Variants in PRR16 observed in about 807,000 individuals in gnomAD.
The protein encoded by PRR16 is proline rich 16.
Under a neutral mutation model 18.2 loss-of-function variants are expected in PRR16, and 6 were observed. That is an observed-to-expected ratio of 0.33 (90% CI 0.18 to 0.65). The LOEUF is 0.65. PRR16 is among the 30% of genes least tolerant of loss of function. The pLI is 0.74. For synonymous variants in PRR16, 151 were observed against 147.8 expected (o/e 1.02, Z -0.16); for missense variants, 412 against 376.6 (o/e 1.09, Z -0.78).
intron 1 of PRR16, among the ~76,000 whole-genome samples, chr5:120,676,617 G>T (rs1580870043): frequency 6.6e-6 from 1 of 151,782 alleles, no homozygotes; most frequent in East Asian, 1.9e-4. Context: ...ATACAATTAT[G>T]GTGCTTGAGA....
At chr5:120,585,161 A>T (rs759069858) in intron 1 of PRR16, among the ~76,000 whole-genome samples, 1 of 152,212 alleles carries the variant, frequency 6.6e-6, no homozygotes, top group Non-Finnish European at 1.5e-5. Context: ...TTCCAACTAT[A>T]TGCCTGAGGA....
intron 1 of PRR16, among the ~76,000 whole-genome samples, chr5:120,497,320 GT>G (rs55879751): frequency 2.4e-4 from 32 of 133,278 alleles, no homozygotes; most frequent in African/African-American, 3.6e-4. Context: ...CTATAATTGT[GT>G]TTTTTTTTTC....
At chr5:120,676,515 T>C (rs937539837) in intron 1 of PRR16, among the ~76,000 whole-genome samples, 2 of 38,822 alleles carry the variant, frequency 5.2e-5, no homozygotes, top group African/African-American at 1.3e-4. Context: ...TTTATATATA[T>C]ATATATATGT....
the PRR16 span, among the ~76,000 whole-genome samples, chr5:120,715,557 C>G: frequency 6.6e-6 from 1 of 152,144 alleles, no homozygotes; most frequent in African/African-American, 2.4e-5. Context: ...TGTTAACAAA[C>G]TCCTTATCAA....
chr5:120,641,312 T>G (rs1259125405), intron 1 of PRR16, among the ~76,000 whole-genome samples: 2 of 152,126 alleles, frequency 1.3e-5, no homozygotes, highest in African/African-American at 4.8e-5. Context: ...GCTAACAGAT[T>G]AACTGAGGAC....
At chr5:120,483,306 G>A (rs1375708603) in intron 1 of PRR16, among the ~76,000 whole-genome samples, 2 of 152,048 alleles carry the variant, frequency 1.3e-5, no homozygotes, top group Non-Finnish European at 1.5e-5. Context: ...GAGAAATAAA[G>A]CCTTCTTATA....
intron 1 of PRR16, among the ~76,000 whole-genome samples, chr5:120,644,027 A>T (rs893658674): frequency 6.6e-6 from 1 of 152,000 alleles, no homozygotes; most frequent in Non-Finnish European, 1.5e-5. Flanking sequence ...CAAACAAACA[A>T]GGCTGATGCC....
chr5:120,673,666 C>T (rs1209864676), intron 1 of PRR16, among the ~76,000 whole-genome samples: 1 of 151,974 alleles, frequency 6.6e-6, no homozygotes, highest in Non-Finnish European at 1.5e-5. Context: ...AGGCCAGGCA[C>T]AATGGCTCAT....
At chr5:120,491,417 CCCTTTCCTTTCCTTTCCTTT>C (rs200339193) in intron 1 of PRR16, among the ~76,000 whole-genome samples, 9,428 of 131,494 alleles carry the variant, frequency 0.072, 437 homozygotes, top group African/African-American at 0.08. Flanking sequence ...AAGGCATATA[CCCTTTCCTTTCCTTTCCTTT>C]CCTTTCCTTT....
the PRR16 span, among the ~76,000 whole-genome samples, chr5:120,692,512 C>T: frequency 6.6e-6 from 1 of 152,278 alleles, no homozygotes; most frequent in African/African-American, 2.4e-5. Flanking sequence ...GGTGCTTTGA[C>T]GCCCTTGCAT....
the PRR16 span, among the ~76,000 whole-genome samples, chr5:120,758,004 T>G: frequency 9.7e-5 from 13 of 133,760 alleles, no homozygotes; most frequent in African/African-American, 1.9e-4. Context: ...AAACTATTTT[T>G]AATATGGCTA....
At chr5:120,722,221 A>T in the PRR16 span, among the ~76,000 whole-genome samples, 2 of 152,162 alleles carry the variant, frequency 1.3e-5, no homozygotes, top group East Asian at 3.9e-4. Flanking sequence ...TTATGGCTGC[A>T]TAGTATTCCG....
At chr5:120,707,484 T>A in the PRR16 span, among the ~76,000 whole-genome samples, 5 of 152,320 alleles carry the variant, frequency 3.3e-5, no homozygotes, top group Admixed American at 3.3e-4. Flanking sequence ...AAAACTATTG[T>A]AAGCCACATG....
intron 1 of PRR16, among the ~76,000 whole-genome samples, chr5:120,672,991 G>A (rs1330374178): frequency 6.6e-6 from 1 of 152,142 alleles, no homozygotes; most frequent in African/African-American, 2.4e-5. Flanking sequence ...TTTACAGGAA[G>A]CCTCAGTAGA....
At chr5:120,743,651 T>C in the PRR16 span, among the ~76,000 whole-genome samples, 1 of 152,162 alleles carries the variant, frequency 6.6e-6, no homozygotes, top group African/African-American at 2.4e-5. Flanking sequence ...TCCTAGAAAA[T>C]GTTGTGCTCT....
At chr5:120,793,103 G>A in the PRR16 span, among the ~76,000 whole-genome samples, 1 of 152,308 alleles carries the variant, frequency 6.6e-6, no homozygotes, top group South Asian at 2.1e-4. Context: ...AGCGAACCAA[G>A]ATTGTGCCAC....
At chr5:120,760,088 C>G in the PRR16 span, among the ~76,000 whole-genome samples, 3 of 152,064 alleles carry the variant, frequency 2.0e-5, no homozygotes, top group Non-Finnish European at 4.4e-5. Context: ...TGTTTCTTAA[C>G]AGGGTGTAAG....
At chr5:120,558,427 C>G (rs1752481391) in intron 1 of PRR16, among the ~76,000 whole-genome samples, 1 of 151,828 alleles carries the variant, frequency 6.6e-6, no homozygotes. Context: ...TGGCTTATTT[C>G]ATTTAGCAAA....
intron 1 of PRR16, among the ~76,000 whole-genome samples, chr5:120,505,929 T>C (rs1340019482): frequency 1.5e-5 from 2 of 134,514 alleles, no homozygotes; most frequent in African/African-American, 6.0e-5. Context: ...GATATATATG[T>C]GTGTATGTGT....
Sources: allele counts gnomAD v4.1 joint callset (sites outside exome capture counted in the v4.1 genomes callset), GRCh38; gene constraint gnomAD v4.1.1; transcripts MANE v1.5; gene names NCBI Gene and HGNC (gene_info 2026-07-23, HGNC 2026-07-21).